The following PTPRF variants were observed in gnomAD, a reference collection of about 807,000 sequenced individuals.
PTPRF encodes protein tyrosine phosphatase receptor type F.
PTPRF carries 59 observed loss-of-function variants against 201.8 expected under a neutral mutation model. That is an observed-to-expected ratio of 0.29 (90% confidence interval 0.24 to 0.36). The LOEUF is 0.36. Ranked by LOEUF, PTPRF falls within the 10% of genes least tolerant of loss-of-function variation. The pLI, the probability that PTPRF is intolerant of heterozygous loss-of-function variation, is 1.00. For synonymous variants in PTPRF, 1,088 were observed against 1,089.7 expected (o/e 1.00, Z 0.03); for missense variants, 2,132 against 2,690.5 (o/e 0.79, Z 4.59).
Position 43,553,046 on chromosome 1 carries a change from A to G in PTPRF, c.92-446A>G, listed in dbSNP as rs1255751281. Among the ~76,000 whole-genome samples, 1 of 152,086 alleles carries G rather than the reference A, an allele frequency of 6.6e-6. No homozygotes were observed. Among genetic ancestry groups the G allele is most frequent in the East Asian group, 1.9e-4 (1 of 5,176 alleles). On this transcript the variant is annotated intron_variant, in intron 3 of 33. Coordinates refer to ENST00000359947, the MANE Select transcript of PTPRF (RefSeq NM_002840.5). This position sits in a 1 kb window ranked among gnomAD's most constrained non-coding sequence, Gnocchi z 4.1. ...GGGGTGGATGGTGGTGCCATCACTGAGATGGAGAGCAGGGGGAGGGACAAC... is the reference window on the plus strand; with the variant it reads ...GGGGTGGATGGTGGTGCCATCACTGGGATGGAGAGCAGGGGGAGGGACAAC...
Position 43,620,446 on chromosome 1 carries a change from G to C in PTPRF, c.5239-8G>C, listed in dbSNP as rs752877398. ...CCTGATTATGGGGGCCCGACCCTCT[G>C]TCCACAGGAGAAATGCCACCAGTAC... On this transcript the variant is annotated splice_polypyrimidine_tract_variant and splice_region_variant and intron_variant, in intron 30 of 33. Transcript: ENST00000359947. The C allele has an allele frequency of 6.2e-7, 1 of 1,609,648 alleles. No homozygotes were observed. The highest frequency in any genetic ancestry group is 8.5e-7 in the Non-Finnish European group (1 of 1,176,610).
intron 23 of PTPRF, among the ~76,000 whole-genome samples, chr1:43,614,616 C>T (rs1209348777): frequency 1.3e-5 from 2 of 152,092 alleles, no homozygotes; most frequent in Non-Finnish European, 2.9e-5. Flanking sequence ...TTTGGGAGGC[C>T]GAGGCGGGTG....
Position 43,554,230 on chromosome 1 carries a change from C to G in PTPRF, c.379+289C>G, listed in dbSNP as rs1202801263. On this transcript the variant is annotated intron_variant, in intron 5 of 33. Coordinates refer to ENST00000359947, the MANE Select transcript of PTPRF (RefSeq NM_002840.5). The surrounding 1 kb of genome is among the most constrained non-coding windows in gnomAD (Gnocchi z 4.1). Reference sequence around the variant, plus strand: ...TCTGACTTGAGGTGTGGAGCTGCAGCTGTGTATCCCTTGGGTTACGTGGTT... The same window carrying G: ...TCTGACTTGAGGTGTGGAGCTGCAGGTGTGTATCCCTTGGGTTACGTGGTT... Among the ~76,000 whole-genome samples the G allele has an allele frequency of 6.6e-6, 1 of 152,130 alleles. No individual in the cohort carries two copies. Among genetic ancestry groups the G allele is most frequent in the Admixed American group, 6.5e-5 (1 of 15,276 alleles).
chr1:43,593,193 CTGTG>C (rs72024728), intron 11 of PTPRF, among the ~76,000 whole-genome samples: 38,167 of 152,004 alleles, frequency 0.25, 5,888 homozygotes, highest in East Asian at 0.48. Context: ...GCAAGGCTGT[CTGTG>C]TGAGACTCTG....
intron 12 of PTPRF, chr1:43,598,276 A>G (rs1229534535): frequency 2.0e-6 from 1 of 507,582 alleles, no homozygotes; most frequent in East Asian, 3.2e-5. Context: ...ACAGGCTAAG[A>G]TGGGAGAAGC....
intron 5 of PTPRF, among the ~76,000 whole-genome samples, chr1:43,566,756 G>A (rs918061460): frequency 6.6e-6 from 1 of 152,174 alleles, no homozygotes; most frequent in Non-Finnish European, 1.5e-5. Flanking sequence ...CTTCCCGGGT[G>A]GCAGAGTGGC....
At chr1:43,609,774 A>C (rs1656001301) in intron 22 of PTPRF, among the ~76,000 whole-genome samples, 1 of 152,210 alleles carries the variant, frequency 6.6e-6, no homozygotes, top group Non-Finnish European at 1.5e-5. Flanking sequence ...AAGGCCTCTG[A>C]ATATGGGCTG....
rs1178543107 is a variant in PTPRF at position 43,546,424 on chromosome 1, G to C, written c.91+1258G>C. Among the ~76,000 whole-genome samples the C allele has an allele frequency of 1.3e-5, 2 of 152,162 alleles. No individual in the cohort carries two copies. The highest frequency in any genetic ancestry group is 2.9e-5 in the Non-Finnish European group (2 of 68,028). Reference sequence around the variant, plus strand: ...AATCACATGGGGAAGTGGGGCAGGGGATCTCCAGGCCTGGCTGGAACCTGC... The same window carrying C: ...AATCACATGGGGAAGTGGGGCAGGGCATCTCCAGGCCTGGCTGGAACCTGC... On this transcript the variant is annotated intron_variant, in intron 3 of 33. Transcript: ENST00000359947. This position sits in a 1 kb window ranked among gnomAD's most constrained non-coding sequence, Gnocchi z 4.2.
intron 6 of PTPRF, among the ~76,000 whole-genome samples, chr1:43,571,686 G>A (rs1317308795): frequency 3.3e-5 from 5 of 152,090 alleles, no homozygotes; most frequent in African/African-American, 7.2e-5. Flanking sequence ...CCCTGCCTCC[G>A]GGCCCTCCCG....
Position 43,530,936 on chromosome 1 carries a change from G to C in PTPRF, c.-280G>C, listed in dbSNP as rs1205977053. 4.6e-5 allele frequency: 7 copies of C among 151,982 alleles called. No individual in the cohort carries two copies. The highest frequency in any genetic ancestry group is 3.9e-4 in the East Asian group (2 of 5,184). 9.4% of individuals were successfully genotyped at this position (151,982 alleles called of 1,614,324 possible). On this transcript the variant is annotated 5_prime_UTR_variant, in exon 1 of 34. Transcript: ENST00000359947. The surrounding 1 kb of genome is among the most constrained non-coding windows in gnomAD (Gnocchi z 4.1). ...GCGGCTCCAGCTTCGGCTCCGGCTC[G>C]GGCTCGGGCTCCGGCTCCGGCTCCG...
At chr1:43,598,100 A>G (rs1652833953) in intron 12 of PTPRF, 47 bp downstream of exon 12, 1 of 1,430,316 alleles carries the variant, frequency 7.0e-7, no homozygotes, top group Non-Finnish European at 9.2e-7. Context: ...TGCCTCAGAC[A>G]CCACCCACCA....
intron 22 of PTPRF, among the ~76,000 whole-genome samples, chr1:43,609,854 A>G (rs1442022187): frequency 6.6e-6 from 1 of 152,142 alleles, no homozygotes; most frequent in African/African-American, 2.4e-5. Flanking sequence ...ACGCCTCCAC[A>G]TGAAAGAGGG....
At chr1:43,541,540 A>G (rs1023301712) in intron 2 of PTPRF, among the ~76,000 whole-genome samples, 1 of 152,208 alleles carries the variant, frequency 6.6e-6, no homozygotes, top group Non-Finnish European at 1.5e-5. Context: ...ACGAACCAAT[A>G]CAATTTCCAA....
At chr1:43,585,048 C>G (rs1335276345) in intron 7 of PTPRF, among the ~76,000 whole-genome samples, 1 of 152,228 alleles carries the variant, frequency 6.6e-6, no homozygotes, top group Non-Finnish European at 1.5e-5. Flanking sequence ...AAAATGTCAG[C>G]ACTAAGGATG....
intron 5 of PTPRF, among the ~76,000 whole-genome samples, chr1:43,568,801 C>T (rs987042855): frequency 1.3e-5 from 2 of 152,160 alleles, no homozygotes; most frequent in African/African-American, 2.4e-5. Context: ...CTCTGTGTGC[C>T]GCCAACCCCT....
intron 7 of PTPRF, chr1:43,583,057 A>T (rs1420814746): frequency 1.0e-6 from 1 of 984,956 alleles, no homozygotes; most frequent in African/African-American, 1.7e-5. Flanking sequence ...GCACTCTGCC[A>T]TCAACCCAAA....
At position 43,603,419 on chromosome 1, in the gene PTPRF, A is replaced by G. The variant is rs370538618; in HGVS notation, c.2344A>G (p.Thr782Ala). 8.7e-6 allele frequency: 14 copies of G among 1,613,752 alleles called. No individual in the cohort carries two copies. Among genetic ancestry groups the G allele is most frequent in the African/African-American group, 1.3e-5 (1 of 75,002 alleles). Residue 782 changes from threonine to alanine, a missense_variant, in exon 15 of 34, where the codon ACC (threonine) becomes GCC (alanine). This residue lies in a region of PTPRF where 818 missense variants were observed against 915.3 expected (regional missense o/e 0.89). Transcript: ENST00000359947. The surrounding 1 kb of genome is among the most constrained non-coding windows in gnomAD (Gnocchi z 5.8). ...CGAACCCCTCCTCCTCCCTCAGGAA[A>G]CCACTATCAGCGGCCTGACCCCGGA... ...WRPEESEDYETTISGLTPETT... is the reference protein window; with the variant it reads ...WRPEESEDYEATISGLTPETT...
chr1:43,607,674 C>T (rs934103299), intron 21 of PTPRF, among the ~76,000 whole-genome samples: 2 of 152,258 alleles, frequency 1.3e-5, no homozygotes, highest in African/African-American at 4.8e-5. Flanking sequence ...AAACACCTGG[C>T]TAATCTGACC....
intron 1 of PTPRF, among the ~76,000 whole-genome samples, chr1:43,533,746 C>T (rs1007645557): frequency 6.6e-6 from 1 of 152,164 alleles, no homozygotes; most frequent in Admixed American, 6.5e-5. Context: ...TGCTTGGTTC[C>T]AGCTTGCAGT....
Sources: gnomAD v4.1 joint callset for allele counts (sites outside exome capture counted in the v4.1 genomes callset) on GRCh38, gnomAD v4.1.1 for gene constraint, gnomAD v4.1.1 regional missense constraint, Gnocchi (gnomAD v3.1) non-coding constraint, MANE v1.5 for transcripts, NCBI Gene and HGNC (gene_info 2026-07-23, HGNC 2026-07-21) for gene names.